Variants in HAVCR1 observed in about 807,000 individuals in gnomAD.
The protein encoded by HAVCR1 is hepatitis A virus cellular receptor 1.
Under a neutral mutation model 32.0 loss-of-function variants are expected in HAVCR1, and 34 were observed. That is an observed-to-expected ratio of 1.06 (90% confidence interval 0.81 to 1.42). The LOEUF (loss-of-function observed/expected upper bound fraction) is 1.42. Among genes scored for constraint, HAVCR1 ranks in the 40% most tolerant of loss-of-function variants. The probability of loss-of-function intolerance (pLI) is 0.00; values close to 1 mark genes in which losing one functional copy is unlikely to be tolerated. For synonymous variants in HAVCR1, 178 were observed against 170.3 expected (o/e 1.05, Z -0.35); for missense variants, 420 against 442.3 (o/e 0.95, Z 0.45).
At chr5:157,064,562 A>G in the HAVCR1 span, among the ~76,000 whole-genome samples, 1 of 152,132 alleles carries the variant, frequency 6.6e-6, no homozygotes, top group Non-Finnish European at 1.5e-5. Flanking sequence ...GTTCCAGCCA[A>G]TTAAGACAAG....
chr5:157,061,936 T>C (rs945800764), upstream of HAVCR1, among the ~76,000 whole-genome samples: 2 of 152,150 alleles, frequency 1.3e-5, no homozygotes, highest in Non-Finnish European at 2.9e-5. Flanking sequence ...TACAATTCCA[T>C]AGGGTTGAAT....
chr5:157,055,170 A>C, intron 3 of HAVCR1, 31 bp downstream of exon 3: 1 of 1,183,726 alleles, frequency 8.4e-7, no homozygotes, highest in African/African-American at 1.5e-5. Flanking sequence ...AAATTCAATT[A>C]ACTAGCAAGA....
chr5:157,040,254 C>T (rs537171045), intron 6 of HAVCR1, among the ~76,000 whole-genome samples: 7 of 151,572 alleles, frequency 4.6e-5, no homozygotes, highest in Non-Finnish European at 8.8e-5. Context: ...GCCAAGATCG[C>T]GCCATTGCCC....
intron 6 of HAVCR1, among the ~76,000 whole-genome samples, chr5:157,039,653 A>G (rs896884065): frequency 6.6e-6 from 1 of 152,200 alleles, no homozygotes; most frequent in African/African-American, 2.4e-5. Flanking sequence ...CCTGCCAATG[A>G]CTACATTCTT....
chr5:157,029,625 A>C lies in HAVCR1; in HGVS notation c.*108T>G. On this transcript the variant is annotated 3_prime_UTR_variant, in exon 9 of 9. Coordinates refer to ENST00000523175, the MANE Select transcript of HAVCR1 (RefSeq NM_001173393.3). Reference sequence around the variant, plus strand: ...ACTGACATGTTGGAATGCCAGATGAAACTGAAACAGAAAAATTGTCTTGGG... The same window carrying C: ...ACTGACATGTTGGAATGCCAGATGACACTGAAACAGAAAAATTGTCTTGGG... The C allele has an allele frequency of 6.4e-7, 1 of 1,557,008 alleles. No individual in the cohort carries two copies. Among genetic ancestry groups the C allele is most frequent in the Non-Finnish European group, 8.7e-7 (1 of 1,154,144 alleles).
chr5:157,043,424 T>C (rs1755036606), intron 5 of HAVCR1, among the ~76,000 whole-genome samples: 1 of 152,198 alleles, frequency 6.6e-6, no homozygotes, highest in Non-Finnish European at 1.5e-5. Flanking sequence ...CCAAGCACTT[T>C]GGGAGTCCAA....
intron 3 of HAVCR1, 72 bp from the exon 4 acceptor site, chr5:157,052,726 C>A (rs1755841478): frequency 2.4e-6 from 3 of 1,230,024 alleles, no homozygotes; most frequent in African/African-American, 3.0e-5. Context: ...TGGAACTGTA[C>A]CCTAGCACAC....
intron 4 of HAVCR1, among the ~76,000 whole-genome samples, chr5:157,051,061 T>G (rs1755707265): frequency 6.6e-6 from 1 of 152,142 alleles, no homozygotes; most frequent in Non-Finnish European, 1.5e-5. Flanking sequence ...ATCCCGAAAA[T>G]GGAAGATTTG....
Position 157,049,046 on chromosome 5 carries a change from TA to T in HAVCR1, c.772del (p.Tyr258ThrfsTer9). 6.3e-7 allele frequency: 1 copy of T among 1,577,308 alleles called. No individual in the cohort carries two copies. Among genetic ancestry groups the T allele is most frequent in the Non-Finnish European group, 8.7e-7 (1 of 1,146,482 alleles). On this transcript the variant is annotated frameshift_variant, in exon 5 of 9. Transcript: ENST00000523175. LOFTEE classifies it high-confidence loss of function. ...REPTSSPLYS[Y>X]TTDGNDTVTE... ...AAAGAGAACGCAGTTACCTGTTGTGTAAGAGTACAATGGTGAGCTGGTGGGT... is the reference window on the plus strand; with the variant it reads ...AAAGAGAACGCAGTTACCTGTTGTGTAGAGTACAATGGTGAGCTGGTGGGT...
upstream of HAVCR1, among the ~76,000 whole-genome samples, chr5:157,060,488 T>C (rs1187607180): frequency 6.6e-6 from 1 of 152,176 alleles, no homozygotes; most frequent in Non-Finnish European, 1.5e-5. Context: ...CCTGGACATT[T>C]TTCACAGGTC....
In HAVCR1 at chr5:157,052,494, C is replaced by T. The variant is rs750991136; in HGVS notation, c.540G>A (p.Thr180=). The T allele has an allele frequency of 2.5e-6, 4 of 1,602,712 alleles. No homozygotes were observed. The highest frequency in any genetic ancestry group is 1.1e-5 in the South Asian group (1 of 89,836). ...MSIPTTTTVL[T]TMTVSTTTSV... ...TCGTTGTCGTTGAAACAGTCATTGTCGTCAGAACAGTCGTTGTCGTTGGAA... is the reference window on the plus strand; with the variant it reads ...TCGTTGTCGTTGAAACAGTCATTGTTGTCAGAACAGTCGTTGTCGTTGGAA... The change falls in exon 4 of 9, where the codon ACG becomes ACA. Residue 180 remains threonine (T), a synonymous_variant. Coordinates refer to ENST00000523175, the MANE Select transcript of HAVCR1 (RefSeq NM_001173393.3).
At chr5:157,041,371 A>T (rs1754881915) in intron 6 of HAVCR1, among the ~76,000 whole-genome samples, 1 of 151,986 alleles carries the variant, frequency 6.6e-6, no homozygotes, top group Admixed American at 6.6e-5. Flanking sequence ...GGTGGTATGC[A>T]CCTGTAATCC....
intron 8 of HAVCR1, among the ~76,000 whole-genome samples, chr5:157,030,963 G>A (rs540175897): frequency 1.9e-4 from 29 of 151,294 alleles, no homozygotes; most frequent in African/African-American, 5.3e-4. Flanking sequence ...TATAACTGCC[G>A]AGAAGATAAT....
At chr5:157,048,935 T>C (rs1755576986) in intron 5 of HAVCR1, 103 bp downstream of exon 5, 1 of 715,870 alleles carries the variant, frequency 1.4e-6, no homozygotes, top group Admixed American at 2.2e-5. Flanking sequence ...TGCCTGGTGT[T>C]GGCACTCAGA....
intron 4 of HAVCR1, among the ~76,000 whole-genome samples, chr5:157,051,752 T>C (rs911399808): frequency 6.6e-6 from 1 of 152,126 alleles, no homozygotes; most frequent in Non-Finnish European, 1.5e-5. Flanking sequence ...AAAATTACAG[T>C]CATGAGCCAC....
chr5:157,036,447 C>A (rs1754538813), intron 7 of HAVCR1, among the ~76,000 whole-genome samples: 1 of 152,020 alleles, frequency 6.6e-6, no homozygotes, highest in Non-Finnish European at 1.5e-5. Context: ...CCATTGCACT[C>A]CAGCCTGTGA....
chr5:157,038,032 A>T (rs10213795), intron 6 of HAVCR1, among the ~76,000 whole-genome samples: 44,901 of 151,612 alleles, frequency 0.3, 8,181 homozygotes, highest in African/African-American at 0.51. Flanking sequence ...AGAAAAAAAA[A>T]TTGTTTATAT....
Position 157,029,814 on chromosome 5 carries a change from T to C in HAVCR1, c.1014A>G (p.Lys338=), listed in dbSNP as rs769067757. The change falls in exon 9 of 9, where the codon AAA becomes AAG. Residue 338 remains lysine (K), a synonymous_variant. Transcript: ENST00000523175. ...LSVSFSSLQI[K]ALQNAVEKEV... ...CCTTTTCAACTGCATTTTGCAAAGC[T>C]TTAATTTGAAGGCTGCTAAATGAAA... is the stretch of plus-strand genomic sequence containing the variant. 3 of 1,612,578 alleles carry C rather than the reference T, an allele frequency of 1.9e-6. No homozygotes were observed. In the East Asian group the frequency reaches 6.7e-5, roughly 36 times the overall value.
At chr5:157,053,220 C>T (rs1487956550) in intron 3 of HAVCR1, among the ~76,000 whole-genome samples, 2 of 151,546 alleles carry the variant, frequency 1.3e-5, no homozygotes, top group Admixed American at 1.3e-4. Context: ...AGGTGAAACC[C>T]CATCTCTACA....
Sources: gnomAD v4.1 joint callset for allele counts (sites outside exome capture counted in the v4.1 genomes callset) on GRCh38, gnomAD v4.1.1 for gene constraint, MANE v1.5 for transcripts, NCBI Gene and HGNC (gene_info 2026-07-23, HGNC 2026-07-21) for gene names.